The following MAP4K3 variants were observed in gnomAD, a reference collection of about 807,000 sequenced individuals.
MAP4K3 encodes MAPK/ERK kinase kinase kinase 3.
A neutral mutation model predicts 143.5 loss-of-function variants in MAP4K3; 94 were observed. The ratio of observed to expected loss-of-function variants is 0.65; its 90% CI spans 0.55 to 0.78. The LOEUF is 0.78. Ranked by LOEUF, MAP4K3 falls within the 30% of genes least tolerant of loss-of-function variation. The pLI, the probability that MAP4K3 is intolerant of heterozygous loss-of-function variation, is 0.00. For missense variants in MAP4K3, 1,077 were observed against 1,068.1 expected (o/e 1.01, Z -0.12); for synonymous variants, 416 against 347.2 (o/e 1.20, Z -2.20).
rs991677769 is a variant in MAP4K3 at position 39,258,529 on chromosome 2, T to C, written c.2367A>G (p.Val789=). The part of the protein sequence containing the change: ...VTQLERDTIL[V]CLDCCIKIVN... ...TAAATAAAAACTTACAGTCCAAGCA[T>C]ACAAGGATGGTATCTCTCTCCAGTT... is the stretch of plus-strand genomic sequence containing the variant. The change falls in exon 30 of 34, where the codon GTA becomes GTG. Residue 789 remains valine (V), a synonymous_variant. Coordinates refer to ENST00000263881, the MANE Select transcript of MAP4K3 (RefSeq NM_003618.4). The C allele has an allele frequency of 2.5e-6, 4 of 1,613,156 alleles. No individual in the cohort carries two copies. The highest frequency in any genetic ancestry group is 2.2e-5 in the East Asian group (1 of 44,872).
intron 2 of MAP4K3, among the ~76,000 whole-genome samples, chr2:39,359,888 A>C (rs1665718158): frequency 6.6e-6 from 1 of 152,246 alleles, no homozygotes; most frequent in African/African-American, 2.4e-5. Flanking sequence ...CCTGGCCCAC[A>C]GTACCATTTT....
Position 39,437,224 on chromosome 2 carries a change from C to T in MAP4K3, c.-237G>A, listed in dbSNP as rs1188325147. ...CGCCGCCGCGCCGAACCTGGTCACACCCACAAGGAGAGGAGAACCCTCGCA... is the reference window on the plus strand; with the variant it reads ...CGCCGCCGCGCCGAACCTGGTCACATCCACAAGGAGAGGAGAACCCTCGCA... On this transcript the variant is annotated 5_prime_UTR_variant, in exon 1 of 34. It adds an upstream start codon to the 5' untranslated region. Coordinates refer to ENST00000263881, the MANE Select transcript of MAP4K3 (RefSeq NM_003618.4). The T allele has an allele frequency of 1.3e-5, 4 of 313,848 alleles. No individual in the cohort carries two copies. The highest frequency in any genetic ancestry group is 1.3e-4 in the South Asian group (1 of 7,708). The allele number at this position is 313,848 out of a possible 1,614,324, so 19.4% of individuals were successfully genotyped here.
chr2:39,416,412 G>T (rs1012474195), intron 1 of MAP4K3, among the ~76,000 whole-genome samples: 26 of 152,074 alleles, frequency 1.7e-4, no homozygotes, highest in African/African-American at 6.3e-4. Flanking sequence ...TCCCCTCTGT[G>T]CAAGAGACAT....
chr2:39,323,824 G>A (rs2148513795), intron 12 of MAP4K3: 2 of 151,994 alleles, frequency 1.3e-5, no homozygotes, highest in South Asian at 2.1e-4. Flanking sequence ...AACTCTCGAT[G>A]ATTCTAATAT....
chr2:39,290,403 T>G lies in MAP4K3; in HGVS notation c.1272-69A>C, dbSNP rs1252154792. On this transcript the variant is annotated intron_variant, in intron 18 of 33. Transcript: ENST00000263881. ...ATGAATCAATCCTAAAATATAATAA[T>G]TTTTTCAAAGACACATAAAAAAGCT... 5.0e-6 allele frequency: 5 copies of G among 1,006,820 alleles called. No individual in the cohort carries two copies. The South Asian group carries it at 8.0e-5, about 16-fold the overall frequency. 62.4% of individuals were successfully genotyped at this position (1,006,820 alleles called of 1,614,324 possible). A position where few individuals can be genotyped will look rare whatever the true frequency, so the allele number is the denominator to read the frequency against.
chr2:39,416,448 C>T (rs1224927444), intron 1 of MAP4K3, among the ~76,000 whole-genome samples: 1 of 152,124 alleles, frequency 6.6e-6, no homozygotes, highest in Non-Finnish European at 1.5e-5. Flanking sequence ...GAACCACATG[C>T]TTCTACCAGA....
intron 1 of MAP4K3, among the ~76,000 whole-genome samples, chr2:39,382,248 G>C (rs1274836609): frequency 6.6e-6 from 1 of 152,160 alleles, no homozygotes; most frequent in African/African-American, 2.4e-5. Context: ...CAATCATTAA[G>C]AGCCAAAAAA....
chr2:39,344,852 TG>T (rs1665240830), intron 3 of MAP4K3, among the ~76,000 whole-genome samples: 2 of 152,126 alleles, frequency 1.3e-5, no homozygotes, highest in Admixed American at 6.5e-5. Context: ...TGGGAGACTG[TG>T]GGTGATTTAG....
chr2:39,366,563 G>A (rs943673100), intron 2 of MAP4K3, among the ~76,000 whole-genome samples: 5 of 152,188 alleles, frequency 3.3e-5, no homozygotes, highest in African/African-American at 1.2e-4. Flanking sequence ...GGAAGAGGGC[G>A]TAGTTCCACC....
intron 15 of MAP4K3, among the ~76,000 whole-genome samples, chr2:39,302,349 A>T (rs1340997914): frequency 6.6e-6 from 1 of 152,220 alleles, no homozygotes; most frequent in Non-Finnish European, 1.5e-5. Context: ...TAAGTAAAAT[A>T]TTACTTTAAA....
intron 1 of MAP4K3, among the ~76,000 whole-genome samples, chr2:39,392,667 G>T (rs1666698789): frequency 6.6e-6 from 1 of 152,194 alleles, no homozygotes; most frequent in African/African-American, 2.4e-5. Flanking sequence ...AATCCCCAAT[G>T]TAATAGTATT....
intron 24 of MAP4K3, among the ~76,000 whole-genome samples, chr2:39,272,770 T>C (rs1168431284): frequency 6.6e-6 from 1 of 152,186 alleles, no homozygotes; most frequent in Non-Finnish European, 1.5e-5. Context: ...AAACACGATA[T>C]GATCAGCTCA....
intron 13 of MAP4K3, among the ~76,000 whole-genome samples, chr2:39,312,895 T>C (rs781326118): frequency 1.2e-4 from 18 of 152,236 alleles, no homozygotes; most frequent in Non-Finnish European, 2.4e-4. Flanking sequence ...CCTTGTGTTA[T>C]TGCCACCTGT....
intron 1 of MAP4K3, 52 bp from the exon 2 acceptor site, chr2:39,378,175 T>C: frequency 9.8e-7 from 1 of 1,016,188 alleles, no homozygotes; most frequent in Non-Finnish European, 1.5e-6. Flanking sequence ...TCATAAAAAG[T>C]GTATAAAATT....
At chr2:39,428,851 C>T (rs964540311) in intron 1 of MAP4K3, among the ~76,000 whole-genome samples, 20 of 149,794 alleles carry the variant, frequency 1.3e-4, no homozygotes, top group South Asian at 1.1e-3. Context: ...GGGTGGATCA[C>T]GAGGTCAAGA....
At chr2:39,322,066 A>C (rs892711670) in intron 12 of MAP4K3, among the ~76,000 whole-genome samples, 1 of 151,718 alleles carries the variant, frequency 6.6e-6, no homozygotes, top group African/African-American at 2.4e-5. Context: ...TTTCTTTTCC[A>C]AGTCTCTCCT....
rs56149359 is a variant in MAP4K3, at chr2:39,377,201, C to CTTTTTTTT, written c.154+857_154+864dup. ...AAGTCTAAAGTATTGGCTATTTGGCCTTTTTTTTTTTTTTAAACAGAAAAA... is the reference window on the plus strand; with the variant it reads ...AAGTCTAAAGTATTGGCTATTTGGCCTTTTTTTTTTTTTTTTTTTTTTAAACAGAAAAA... On this transcript the variant is annotated intron_variant, in intron 2 of 33. Coordinates refer to ENST00000263881, the MANE Select transcript of MAP4K3 (RefSeq NM_003618.4). 2.1e-4 allele frequency among the ~76,000 whole-genome samples: 23 copies of CTTTTTTTT among 110,586 alleles called. 1 individual carries two copies. The highest frequency in any genetic ancestry group is 3.9e-4 in the Non-Finnish European group (21 of 53,642). The allele number at this position is 110,586 out of a possible 152,430, so 72.5% of individuals were successfully genotyped here.
intron 22 of MAP4K3, 103 bp from the exon 23 acceptor site, chr2:39,280,459 T>C (rs1027461944): frequency 6.1e-6 from 3 of 488,116 alleles, no homozygotes; most frequent in South Asian, 1.4e-4. Flanking sequence ...CTATAGATAG[T>C]ATACTGAAAT....
At chr2:39,253,379 G>A (rs1448455445) in intron 32 of MAP4K3, among the ~76,000 whole-genome samples, 4 of 152,098 alleles carry the variant, frequency 2.6e-5, no homozygotes, top group Admixed American at 2.0e-4. Context: ...TGATCCGCCC[G>A]CCTCGGCCTC....
Sources: gnomAD v4.1 joint callset for allele counts (sites outside exome capture counted in the v4.1 genomes callset) on GRCh38, gnomAD v4.1.1 for gene constraint, MANE v1.5 for transcripts, NCBI Gene and HGNC (gene_info 2026-07-23, HGNC 2026-07-21) for gene names.